Variants in PTH2R observed in about 807,000 individuals in gnomAD.
PTH2R encodes parathyroid hormone 2 receptor, also known as PTH2 receptor.
PTH2R carries 59 observed loss-of-function variants against 60.3 expected under a neutral mutation model. That is an observed-to-expected ratio of 0.98 (90% confidence interval 0.79 to 1.22). The LOEUF is 1.22. Ranked by LOEUF, PTH2R falls within the 50% of genes most tolerant of loss-of-function variation. The pLI is 0.00. For missense variants in PTH2R, 749 were observed against 682.6 expected, an observed-to-expected ratio of 1.10 and a Z score of -1.08; for synonymous variants, 256 against 243.8, an observed-to-expected ratio of 1.05 and a Z score of -0.47.
intron 10 of PTH2R, among the ~76,000 whole-genome samples, chr2:208,488,375 A>G (rs188836978): frequency 1.1e-4 from 16 of 152,356 alleles, no homozygotes; most frequent in Admixed American, 9.1e-4. Flanking sequence ...TAAAATGAAC[A>G]AAATAAGCTA....
chr2:208,367,963 T>A (rs1200532343), intron 1 of PTH2R, among the ~76,000 whole-genome samples: 1 of 152,214 alleles, frequency 6.6e-6, no homozygotes, highest in Non-Finnish European at 1.5e-5. Flanking sequence ...TAAAATATTT[T>A]AGGGTACTCA....
intron 8 of PTH2R, among the ~76,000 whole-genome samples, chr2:208,453,447 A>G (rs767786800): frequency 1.3e-5 from 2 of 152,208 alleles, no homozygotes; most frequent in Admixed American, 6.5e-5. Context: ...TTTAGTATGC[A>G]TATTATATAA....
intron 9 of PTH2R, among the ~76,000 whole-genome samples, chr2:208,474,274 C>CA (rs3835875): frequency 0.92 from 140,820 of 152,284 alleles, 65,660 homozygotes; most frequent in African/African-American, 0.98. Context: ...GCCTATAATA[C>CA]GGCAGTAATA....
chr2:208,475,915 G>T (rs1347531239), intron 9 of PTH2R, among the ~76,000 whole-genome samples: 1 of 152,030 alleles, frequency 6.6e-6, no homozygotes, highest in Non-Finnish European at 1.5e-5. Flanking sequence ...TTTGAATATT[G>T]AATGACATTG....
At chr2:208,447,489 G>A (rs1458522605) in intron 7 of PTH2R, among the ~76,000 whole-genome samples, 1 of 151,774 alleles carries the variant, frequency 6.6e-6, no homozygotes, top group African/African-American at 2.4e-5. Flanking sequence ...TCAGGAGGCT[G>A]AAGCAGGAGA....
intron 1 of PTH2R, among the ~76,000 whole-genome samples, chr2:208,369,021 G>T (rs1403520032): frequency 6.6e-6 from 1 of 151,180 alleles, no homozygotes; most frequent in Non-Finnish European, 1.5e-5. Flanking sequence ...TCAGATTACA[G>T]GATAATATTC....
At chr2:208,472,971 A>G (rs1174266890) in intron 9 of PTH2R, among the ~76,000 whole-genome samples, 3 of 152,330 alleles carry the variant, frequency 2.0e-5, no homozygotes, top group African/African-American at 7.2e-5. Context: ...CAGAGCCCAC[A>G]GTTTTTGCTC....
intron 11 of PTH2R, 83 bp downstream of exon 11, chr2:208,489,233 C>G: frequency 6.5e-7 from 1 of 1,537,408 alleles, no homozygotes; most frequent in Non-Finnish European, 8.9e-7. Context: ...TTTCTCTGCA[C>G]TCTCTCTGGC....
chr2:208,361,671 G>A (rs1158421239), intron 1 of PTH2R, among the ~76,000 whole-genome samples: 1 of 151,710 alleles, frequency 6.6e-6, no homozygotes, highest in African/African-American at 2.4e-5. Context: ...ATATAAAGGG[G>A]TTCATAAGTA....
At chr2:208,453,568 A>G (rs1251941166) in intron 8 of PTH2R, among the ~76,000 whole-genome samples, 5 of 152,206 alleles carry the variant, frequency 3.3e-5, no homozygotes, top group African/African-American at 9.6e-5. Flanking sequence ...TCCCTGTTTT[A>G]CAGTAGATAA....
chr2:208,437,739 G>A, intron 3 of PTH2R, 21 bp from the exon 4 acceptor site: 5 of 1,608,230 alleles, frequency 3.1e-6, no homozygotes, highest in Non-Finnish European at 4.3e-6. Context: ...AGCGATCTCA[G>A]CATCTTTCAT....
chr2:208,420,487 A>T (rs538023697), intron 1 of PTH2R, among the ~76,000 whole-genome samples: 64 of 152,186 alleles, frequency 4.2e-4, no homozygotes, highest in Non-Finnish European at 7.2e-4. Flanking sequence ...GTCTTAATAT[A>T]TTTGACCTTA....
At chr2:208,366,441 G>A (rs1374959272) in intron 1 of PTH2R, among the ~76,000 whole-genome samples, 1 of 152,080 alleles carries the variant, frequency 6.6e-6, no homozygotes, top group African/African-American at 2.4e-5. Context: ...ATAATGGGGT[G>A]TCCTTATTTT....
chr2:208,453,256 T>C (rs1310003864), intron 8 of PTH2R, among the ~76,000 whole-genome samples: 1 of 152,212 alleles, frequency 6.6e-6, no homozygotes, highest in Non-Finnish European at 1.5e-5. Context: ...TGCCTGTGTA[T>C]TTGTATTGCA....
chr2:208,371,146 G>T lies in PTH2R; in HGVS notation c.-259+10909G>T, dbSNP rs746350883. On this transcript the variant is annotated intron_variant, in intron 1 of 12. Coordinates refer to the PTH2R transcript ENST00000617735. ...AGGCCCCACCTCCAACTTGGGGATTGTATTTCAACATGACATTTTGAGGGG... is the reference window on the plus strand; with the variant it reads ...AGGCCCCACCTCCAACTTGGGGATTTTATTTCAACATGACATTTTGAGGGG... 1.2e-4 allele frequency among the ~76,000 whole-genome samples: 19 copies of T among 152,006 alleles called. 1 individual carries two copies. Among genetic ancestry groups the T allele is most frequent in the Non-Finnish European group, 2.5e-4 (17 of 68,028 alleles).
intron 1 of PTH2R, among the ~76,000 whole-genome samples, chr2:208,388,776 T>A (rs1003192026): frequency 3.3e-5 from 5 of 152,182 alleles, no homozygotes; most frequent in Admixed American, 6.5e-5. Context: ...ATATGAGACA[T>A]GCAAATTCAC....
At chr2:208,393,214 A>G (rs1701141305) in intron 1 of PTH2R, among the ~76,000 whole-genome samples, 1 of 152,126 alleles carries the variant, frequency 6.6e-6, no homozygotes, top group Non-Finnish European at 1.5e-5. Flanking sequence ...TGGTCCTACA[A>G]CTTGCTTCTG....
Position 208,493,932 on chromosome 2 carries a change from T to C in PTH2R, c.*273T>C. 3.5e-6 allele frequency: 1 copy of C among 284,428 alleles called. No homozygotes were observed. Among genetic ancestry groups the C allele is most frequent in the Non-Finnish European group, 6.5e-6 (1 of 154,104 alleles). 17.6% of individuals were successfully genotyped at this position (284,428 alleles called of 1,614,324 possible). On this transcript the variant is annotated 3_prime_UTR_variant, in exon 13 of 13. Coordinates refer to ENST00000272847, the MANE Select transcript of PTH2R (RefSeq NM_005048.4). ...TCTGTGATTGTTCATTTTTTTCTGC[T>C]ACTTTTGGGTAGAAAAAAGATTCAA...
At chr2:208,457,473 A>T (rs1027245920) in intron 8 of PTH2R, among the ~76,000 whole-genome samples, 2 of 152,206 alleles carry the variant, frequency 1.3e-5, no homozygotes, top group South Asian at 4.1e-4. Flanking sequence ...ATATTCTCCC[A>T]CTGGAATGTG....
Sources: allele counts gnomAD v4.1 joint callset (sites outside exome capture counted in the v4.1 genomes callset), GRCh38; gene constraint gnomAD v4.1.1; transcripts MANE v1.5; gene names NCBI Gene and HGNC (gene_info 2026-07-23, HGNC 2026-07-21).